KIF16B: variants seen among roughly 807,000 people sequenced by gnomAD.
The protein encoded by KIF16B is kinesin family member 16B, also known as kinesin-like protein KIF16B.
Under a neutral mutation model 156.3 loss-of-function variants are expected in KIF16B, and 98 were observed. The observed-to-expected ratio is 0.63, with a 90% CI of 0.53 to 0.74. KIF16B has a LOEUF of 0.74. Among genes scored for constraint, KIF16B ranks in the 30% least tolerant of loss-of-function variants. The pLI is 0.00. For synonymous variants in KIF16B, 564 were observed against 583.7 expected, an observed-to-expected ratio of 0.97 and a Z score of 0.49; for missense variants, 1,421 against 1,606.5, an observed-to-expected ratio of 0.88 and a Z score of 1.97.
intron 24 of KIF16B, among the ~76,000 whole-genome samples, chr20:16,331,405 T>C (rs55809626): frequency 0.021 from 3,238 of 152,272 alleles, 105 homozygotes; most frequent in African/African-American, 0.074. Context: ...CAAAAGACTA[T>C]AGGCTAACTA....
At chr20:16,293,930 T>C (rs1601510267) in intron 25 of KIF16B, among the ~76,000 whole-genome samples, 1 of 150,310 alleles carries the variant, frequency 6.7e-6, no homozygotes, top group East Asian at 2.0e-4. Flanking sequence ...CTGCGGGGGG[T>C]GCATGCTGGG....
intron 15 of KIF16B, among the ~76,000 whole-genome samples, chr20:16,415,764 G>A (rs2066070640): frequency 6.6e-6 from 1 of 152,076 alleles, no homozygotes; most frequent in Non-Finnish European, 1.5e-5. Context: ...ATTCACTTCA[G>A]AATTCAACTT....
chr20:16,347,405 G>A (rs971874756), intron 23 of KIF16B, among the ~76,000 whole-genome samples: 1 of 152,154 alleles, frequency 6.6e-6, no homozygotes, highest in Admixed American at 6.5e-5. Context: ...TTGAAGGCAT[G>A]ACCATAAAAT....
intron 23 of KIF16B, among the ~76,000 whole-genome samples, chr20:16,348,812 T>C (rs1419042857): frequency 6.6e-6 from 1 of 152,170 alleles, no homozygotes; most frequent in South Asian, 2.1e-4. Context: ...GGCCACAGGT[T>C]GATAAACTGT....
At chr20:16,402,171 T>C (rs1298256197) in intron 17 of KIF16B, among the ~76,000 whole-genome samples, 1 of 152,126 alleles carries the variant, frequency 6.6e-6, no homozygotes, top group Non-Finnish European at 1.5e-5. Context: ...TTCTCCCCCT[T>C]TCTGTTTTAT....
chr20:16,376,615 C>A (rs997865172), intron 19 of KIF16B, among the ~76,000 whole-genome samples: 3 of 152,206 alleles, frequency 2.0e-5, no homozygotes, highest in Admixed American at 1.3e-4. Flanking sequence ...AAGTCTATTT[C>A]ATCAAAACTC....
intron 17 of KIF16B, among the ~76,000 whole-genome samples, chr20:16,385,172 G>A (rs567107542): frequency 6.6e-6 from 1 of 151,594 alleles, no homozygotes; most frequent in African/African-American, 2.4e-5. Context: ...ACTCCAGACT[G>A]GGGGACAAGA....
chr20:16,350,489 C>T (rs1231340202), intron 23 of KIF16B, among the ~76,000 whole-genome samples: 2 of 152,012 alleles, frequency 1.3e-5, no homozygotes, highest in Non-Finnish European at 2.9e-5. Flanking sequence ...AGCCCAGAGC[C>T]AGGACATGGG....
intron 25 of KIF16B, among the ~76,000 whole-genome samples, chr20:16,286,587 T>C (rs1255912310): frequency 6.6e-6 from 1 of 152,170 alleles, no homozygotes; most frequent in Non-Finnish European, 1.5e-5. Context: ...CTTATTCATC[T>C]CTCTGGGCAG....
At chr20:16,363,424 G>C (rs982223357) in intron 22 of KIF16B, among the ~76,000 whole-genome samples, 2 of 152,174 alleles carry the variant, frequency 1.3e-5, no homozygotes, top group Non-Finnish European at 2.9e-5. Flanking sequence ...TTTTATCTGA[G>C]TCTTATCTGT....
chr20:16,513,659 TAAAAA>T (rs10713040), intron 4 of KIF16B, among the ~76,000 whole-genome samples: 32 of 112,690 alleles, frequency 2.8e-4, no homozygotes, highest in Admixed American at 5.7e-4. Flanking sequence ...AAACTACGTT[TAAAAA>T]AAAAAAAAAA....
In KIF16B at chr20:16,504,402, T is replaced by C; in HGVS notation, c.1146A>G (p.Arg382=). 1 of 1,614,066 alleles carries C rather than the reference T, an allele frequency of 6.2e-7. No homozygotes were observed. Among genetic ancestry groups the C allele is most frequent in the South Asian group, 1.1e-5 (1 of 91,052 alleles). ...TCCCTTGAGCAAGCAGCGTTTTCAG[T>C]CTGGCTATTTCAGCTCGCAGCTCAC... ...LIRELRAEIA[R]LKTLLAQGNQ... Residue 382 remains arginine (R), a synonymous_variant, in exon 10 of 26, where the codon AGA becomes AGG. Coordinates refer to ENST00000354981, the MANE Select transcript of KIF16B (RefSeq NM_024704.5).
chr20:16,476,398 A>G (rs1419889006), intron 12 of KIF16B, among the ~76,000 whole-genome samples: 1 of 152,218 alleles, frequency 6.6e-6, no homozygotes, highest in African/African-American at 2.4e-5. Context: ...TTGTTCTCCA[A>G]TAGTTTTGTT....
intron 22 of KIF16B, chr20:16,368,691 A>G (rs1251771897): frequency 2.0e-6 from 2 of 985,794 alleles, no homozygotes; most frequent in East Asian, 2.3e-4. Flanking sequence ...CTTGCTGCTC[A>G]CTATAAAACT....
chr20:16,449,254 C>A (rs917181142), intron 12 of KIF16B, among the ~76,000 whole-genome samples: 1 of 151,956 alleles, frequency 6.6e-6, no homozygotes, highest in Non-Finnish European at 1.5e-5. Context: ...GGCAAAAGGA[C>A]GGAAAGACCT....
chr20:16,444,984 T>C (rs928601071), intron 12 of KIF16B, among the ~76,000 whole-genome samples: 3 of 152,182 alleles, frequency 2.0e-5, no homozygotes, highest in Admixed American at 1.3e-4. Flanking sequence ...CGTCTCAGCA[T>C]AGTGTTAGTT....
intron 17 of KIF16B, among the ~76,000 whole-genome samples, chr20:16,404,240 C>T (rs1389267471): frequency 6.6e-6 from 1 of 152,060 alleles, no homozygotes; most frequent in Non-Finnish European, 1.5e-5. Flanking sequence ...CTCAAAGTTC[C>T]CTGTTTTTAG....
intron 22 of KIF16B, chr20:16,368,470 T>C: frequency 8.1e-6 from 8 of 986,256 alleles, no homozygotes; most frequent in Non-Finnish European, 9.6e-6. Context: ...TGTTGTTACC[T>C]GGGAGGGGAG....
At chr20:16,401,151 A>G (rs931873081) in intron 17 of KIF16B, among the ~76,000 whole-genome samples, 15 of 152,208 alleles carry the variant, frequency 9.9e-5, no homozygotes, top group African/African-American at 3.4e-4. Context: ...TGCAAGGGGT[A>G]GCAGAGAGAA....
Sources: gnomAD v4.1 joint callset for allele counts (sites outside exome capture counted in the v4.1 genomes callset) on GRCh38, gnomAD v4.1.1 for gene constraint, MANE v1.5 for transcripts, NCBI Gene and HGNC (gene_info 2026-07-23, HGNC 2026-07-21) for gene names.